ZFYVE26: variants seen among roughly 807,000 people sequenced by gnomAD.
ZFYVE26 encodes zinc finger FYVE domain-containing protein 26.
A neutral mutation model predicts 276.5 loss-of-function variants in ZFYVE26; 181 were observed. The observed-to-expected ratio is 0.65, with a 90% CI of 0.58 to 0.74. The LOEUF is 0.74. Ranked by LOEUF, ZFYVE26 falls within the 30% of genes least tolerant of loss-of-function variation. ZFYVE26 has a pLI of 0.00. For missense variants in ZFYVE26, 2,821 were observed against 3,097.9 expected (o/e 0.91, Z 2.12); for synonymous variants, 1,129 against 1,203.1 (o/e 0.94, Z 1.27).
At chr14:67,815,623 A>G in intron 2 of ZFYVE26, 147 bp downstream of exon 2, 1 of 786,836 alleles carries the variant, frequency 1.3e-6, no homozygotes, top group South Asian at 1.4e-5. Context: ...TATACTATAG[A>G]GGTAAAATTT....
chr14:67,733,112 A>G (rs916860899), intron 13 of ZFYVE26, among the ~76,000 whole-genome samples: 4 of 144,314 alleles, frequency 2.8e-5, no homozygotes, highest in East Asian at 2.0e-4. Flanking sequence ...CCTAAAACTT[A>G]AAGTATAATA....
chr14:67,734,837 C>T (rs1209791824), intron 13 of ZFYVE26, among the ~76,000 whole-genome samples: 1 of 152,218 alleles, frequency 6.6e-6, no homozygotes, highest in Non-Finnish European at 1.5e-5. Context: ...CTCCTTCCTT[C>T]CTGAAGGAGG....
intron 38 of ZFYVE26, 127 bp downstream of exon 38, chr14:67,753,944 G>T: frequency 6.5e-7 from 1 of 1,539,908 alleles, no homozygotes; most frequent in Non-Finnish European, 9.0e-7. Context: ...AGTCTTTGGT[G>T]GCTCATATTC....
chr14:67,806,092 C>T (rs1459429400), intron 6 of ZFYVE26, among the ~76,000 whole-genome samples: 1 of 152,210 alleles, frequency 6.6e-6, no homozygotes, highest in African/African-American at 2.4e-5. Flanking sequence ...AGACTGTGAG[C>T]TCCCTGAAGG....
At chr14:67,742,841 T>TTTTTG (rs2038432241), downstream of ZFYVE26, among the ~76,000 whole-genome samples, 1 of 14,898 alleles carries the variant, frequency 6.7e-5, no homozygotes, top group African/African-American at 9.3e-5. Flanking sequence ...TCTTCTTCTT[T>TTTTTG]TTTTTTTTTT....
chr14:67,764,987 A>G (rs1159478935), intron 32 of ZFYVE26, among the ~76,000 whole-genome samples: 2 of 152,042 alleles, frequency 1.3e-5, no homozygotes, highest in African/African-American at 4.8e-5. Flanking sequence ...ATATATTTTT[A>G]CTTTTGCCTT....
rs371101182 is a variant in ZFYVE26, at chr14:67,785,837, C to T, written c.3304+21G>A. On this transcript the variant is annotated intron_variant, in intron 18 of 41. Transcript: ENST00000347230. ...CTCCCCAGTTCAGCTTTTATTTGTTCCCAAGCAGACAGCCTTATACCTGGC... is the reference window on the plus strand; with the variant it reads ...CTCCCCAGTTCAGCTTTTATTTGTTTCCAAGCAGACAGCCTTATACCTGGC... 53 of 1,613,894 alleles carry T rather than the reference C, an allele frequency of 3.3e-5. No individual in the cohort carries two copies. The African/African-American group carries it at 6.9e-4, about 21-fold the overall frequency.
At chr14:67,814,873 C>T (rs1365986312) in intron 2 of ZFYVE26, among the ~76,000 whole-genome samples, 1 of 152,164 alleles carries the variant, frequency 6.6e-6, no homozygotes, top group African/African-American at 2.4e-5. Context: ...GTTTCTCCAT[C>T]GTATATGTGC....
At chr14:67,802,403 T>C (rs1329782952) in intron 9 of ZFYVE26, 121 bp from the exon 10 acceptor site, 1 of 981,446 alleles carries the variant, frequency 1.0e-6, no homozygotes, top group Non-Finnish European at 1.6e-6. Flanking sequence ...TTACCCTCTC[T>C]CCTTTCTGTC....
At chr14:67,735,296 T>C (rs1341556894) in intron 13 of ZFYVE26, 2 of 867,326 alleles carry the variant, frequency 2.3e-6, no homozygotes, top group Non-Finnish European at 4.0e-6. Context: ...AGGCTACATC[T>C]CACCTCTCTG....
rs907084077 is a variant in ZFYVE26, at chr14:67,784,232, C to A, written c.3626+102G>T. The A allele has an allele frequency of 7.2e-6, 7 of 966,940 alleles. No individual in the cohort carries two copies. The African/African-American group carries it at 9.6e-5, about 13-fold the overall frequency. 59.9% of individuals were successfully genotyped at this position (966,940 alleles called of 1,614,324 possible). ...AAAAATTCAGTCAGGAAGAAATCCC[C>A]ACTCTCTGTGCTAACCCCAAGCACC... On this transcript the variant is annotated intron_variant, in intron 20 of 41. Transcript: ENST00000347230.
chr14:67,805,424 G>A lies in ZFYVE26; in HGVS notation c.1182+30C>T, dbSNP rs374363282. 84 of 1,613,964 alleles carry A rather than the reference G, an allele frequency of 5.2e-5. 1 individual carries two copies. The South Asian group carries it at 8.6e-4, about 16-fold the overall frequency. On this transcript the variant is annotated intron_variant, in intron 7 of 41. Coordinates refer to ENST00000347230, the MANE Select transcript of ZFYVE26 (RefSeq NM_015346.4). ...CGAAGCCCCACGTCTCTCACTTCCA[G>A]AGCAGCCTGGGATGCTGAGTGAGAG...
At chr14:67,744,484 T>A (rs2038457034), downstream of ZFYVE26, among the ~76,000 whole-genome samples, 1 of 152,214 alleles carries the variant, frequency 6.6e-6, no homozygotes, top group African/African-American at 2.4e-5. Flanking sequence ...TGTGCCGTGG[T>A]GGTCTGCTGC....
intron 10 of ZFYVE26, 123 bp downstream of exon 10, chr14:67,801,956 G>T: frequency 9.4e-7 from 1 of 1,065,124 alleles, no homozygotes; most frequent in Non-Finnish European, 1.5e-6. Flanking sequence ...AACTATCCCT[G>T]GGTGAAATAA....
At chr14:67,768,432 T>C in intron 30 of ZFYVE26, 85 bp downstream of exon 30, 2 of 1,433,246 alleles carry the variant, frequency 1.4e-6, no homozygotes, top group Admixed American at 3.3e-5. Flanking sequence ...GTTGGACAAG[T>C]ATATCAGTCA....
chr14:67,798,120 G>A lies in ZFYVE26; in HGVS notation c.2142C>T (p.Ser714=). ...PPEKPKQESQ[S]CSGSRDGLQS... Reference sequence around the variant, plus strand: ...GCAGTCCATCTCTGCTTCCTGAGCAGCTCTGACTTTCTTGCTTTGGCTTCT... The same window carrying A: ...GCAGTCCATCTCTGCTTCCTGAGCAACTCTGACTTTCTTGCTTTGGCTTCT... The change falls in exon 11 of 42, where the codon AGC becomes AGT. Residue 714 remains serine (S), a synonymous_variant. Coordinates refer to ENST00000347230, the MANE Select transcript of ZFYVE26 (RefSeq NM_015346.4). 2 of 1,614,162 alleles carry A rather than the reference G, an allele frequency of 1.2e-6. No homozygotes were observed. The highest frequency in any genetic ancestry group is 1.7e-6 in the Non-Finnish European group (2 of 1,180,006).
intron 35 of ZFYVE26, among the ~76,000 whole-genome samples, chr14:67,757,348 G>A (rs1377179601): frequency 6.6e-6 from 1 of 152,176 alleles, no homozygotes; most frequent in East Asian, 1.9e-4. Context: ...TTTGGCCTGT[G>A]ACCTTTCTGA....
chr14:67,803,468 T>A (rs1382338618), intron 9 of ZFYVE26, among the ~76,000 whole-genome samples: 1 of 151,914 alleles, frequency 6.6e-6, no homozygotes, highest in Non-Finnish European at 1.5e-5. Flanking sequence ...CAGCCTCCCG[T>A]GTAGCTGGGA....
intron 23 of ZFYVE26, among the ~76,000 whole-genome samples, chr14:67,779,416 T>G (rs1236286158): frequency 6.6e-6 from 1 of 151,816 alleles, no homozygotes; most frequent in East Asian, 1.9e-4. Flanking sequence ...TACAAAAAAA[T>G]TAGCTGGGCG....
Sources: gnomAD v4.1 joint callset for allele counts (sites outside exome capture counted in the v4.1 genomes callset) on GRCh38, gnomAD v4.1.1 for gene constraint, MANE v1.5 for transcripts, NCBI Gene and HGNC (gene_info 2026-07-23, HGNC 2026-07-21) for gene names.